RSRC1: variants seen among roughly 807,000 people sequenced by gnomAD.
RSRC1 encodes the protein arginine and serine rich coiled-coil 1, also known as serine/Arginine-related protein 53.
In RSRC1, 39 loss-of-function variants were observed where a neutral mutation model predicts 49.1. The ratio of observed to expected loss-of-function variants is 0.79; its 90% CI spans 0.61 to 1.04. The LOEUF is 1.04. RSRC1 is among the 50% of genes least tolerant of loss of function. RSRC1 has a pLI of 0.00. For synonymous variants in RSRC1, 143 were observed against 130.8 expected (o/e 1.09, Z -0.63); for missense variants, 388 against 402.4 (o/e 0.96, Z 0.31).
intron 8 of RSRC1, among the ~76,000 whole-genome samples, chr3:158,537,866 T>G (rs1305594750): frequency 6.6e-6 from 1 of 151,770 alleles, no homozygotes; most frequent in Admixed American, 6.6e-5. Flanking sequence ...CTGTATAATA[T>G]CCTGTTGATG....
At chr3:158,541,673 A>T (rs1319072298) in intron 8 of RSRC1, among the ~76,000 whole-genome samples, 1 of 152,242 alleles carries the variant, frequency 6.6e-6, no homozygotes, top group East Asian at 1.9e-4. Context: ...AAATAAATGG[A>T]AATTGAAAAA....
intron 4 of RSRC1, among the ~76,000 whole-genome samples, chr3:158,223,138 A>T (rs528200271): frequency 1.3e-5 from 2 of 151,540 alleles, no homozygotes; most frequent in African/African-American, 4.8e-5. Context: ...AGCACAGTCC[A>T]TTACTCATCT....
At chr3:158,403,842 A>C (rs530984825) in intron 6 of RSRC1, among the ~76,000 whole-genome samples, 1 of 151,848 alleles carries the variant, frequency 6.6e-6, no homozygotes, top group Non-Finnish European at 1.5e-5. Flanking sequence ...TATATAAACT[A>C]TAAGAAAGAA....
rs561325531 is a variant in RSRC1 at position 158,133,441 on chromosome 3, G to A, written c.320+9450G>A. ...AAACTGTCCTACAGCAAGACAGTAC[G>A]ATGCAAATATGACTAAATAAGATCA... On this transcript the variant is annotated intron_variant, in intron 3 of 9. Transcript: ENST00000611884. Among the ~76,000 whole-genome samples, 6 of 152,256 alleles carry A rather than the reference G, an allele frequency of 3.9e-5. No homozygotes were observed. The South Asian group carries it at 1.0e-3, about 26-fold the overall frequency.
At chr3:158,324,146 A>G (rs908456269) in intron 5 of RSRC1, among the ~76,000 whole-genome samples, 9 of 152,144 alleles carry the variant, frequency 5.9e-5, no homozygotes, top group East Asian at 1.9e-4. Flanking sequence ...TTATTTCTCT[A>G]TTGTTAGGAA....
intron 4 of RSRC1, among the ~76,000 whole-genome samples, chr3:158,270,749 A>C (rs1725473596): frequency 1.3e-5 from 2 of 152,204 alleles, no homozygotes; most frequent in South Asian, 4.1e-4. Flanking sequence ...ACTTTAAAAT[A>C]TACAGATTCA....
intron 6 of RSRC1, among the ~76,000 whole-genome samples, chr3:158,393,516 T>C (rs1393947260): frequency 4.6e-5 from 7 of 151,136 alleles, no homozygotes; most frequent in Non-Finnish European, 1.0e-4. Flanking sequence ...CAAAAATCCC[T>C]CCGAGACTAC....
intron 3 of RSRC1, among the ~76,000 whole-genome samples, chr3:158,200,481 A>G (rs569752484): frequency 2.0e-5 from 3 of 152,318 alleles, no homozygotes; most frequent in African/African-American, 7.2e-5. Flanking sequence ...TTGTTTATTA[A>G]TATCTAATGT....
At chr3:158,237,812 G>C (rs1723324843) in intron 4 of RSRC1, among the ~76,000 whole-genome samples, 1 of 152,214 alleles carries the variant, frequency 6.6e-6, no homozygotes, top group Admixed American at 6.5e-5. Flanking sequence ...TCTCTTGCCT[G>C]ATTGCCCTGG....
intron 6 of RSRC1, among the ~76,000 whole-genome samples, chr3:158,361,419 C>T (rs528001394): frequency 6.6e-6 from 1 of 152,156 alleles, no homozygotes; most frequent in African/African-American, 2.4e-5. Context: ...GGGTCTCAAC[C>T]AGCCATAGGA....
At chr3:158,198,055 T>C (rs1358954653) in intron 3 of RSRC1, among the ~76,000 whole-genome samples, 1 of 152,160 alleles carries the variant, frequency 6.6e-6, no homozygotes, top group African/African-American at 2.4e-5. Flanking sequence ...TTGTTAACTT[T>C]CTGTCTCGTT....
intron 4 of RSRC1, among the ~76,000 whole-genome samples, 177 bp from the exon 5 acceptor site, chr3:158,297,862 G>A (rs1727324776): frequency 6.6e-6 from 1 of 151,964 alleles, no homozygotes; most frequent in Non-Finnish European, 1.5e-5. Flanking sequence ...TGGTAAATCT[G>A]ATATAAATTA....
chr3:158,445,837 T>C (rs1312417659), intron 6 of RSRC1, among the ~76,000 whole-genome samples: 1 of 152,104 alleles, frequency 6.6e-6, no homozygotes, highest in East Asian at 1.9e-4. Context: ...AAATAAAGTT[T>C]AAAGCATTCT....
At position 158,142,424 on chromosome 3, in the gene RSRC1, G is replaced by T. The variant is rs117960754; in HGVS notation, c.320+18433G>T. 1.4e-3 allele frequency among the ~76,000 whole-genome samples: 212 copies of T among 152,168 alleles called. 3 individuals carry two copies. The East Asian group carries it at 0.036, about 26-fold the overall frequency. On this transcript the variant is annotated intron_variant, in intron 3 of 9. Transcript: ENST00000611884. Reference sequence around the variant, plus strand: ...GTACTTTTGGAGTAGTTTATTTTTCGTACCAACGGTTAGTCCATTCTTGCA... The same window carrying T: ...GTACTTTTGGAGTAGTTTATTTTTCTTACCAACGGTTAGTCCATTCTTGCA...
intron 7 of RSRC1, among the ~76,000 whole-genome samples, chr3:158,466,024 C>G (rs1179389851): frequency 2.0e-5 from 3 of 152,148 alleles, no homozygotes; most frequent in African/African-American, 4.8e-5. Flanking sequence ...TTGTAATACT[C>G]TTGATTATAT....
intron 6 of RSRC1, among the ~76,000 whole-genome samples, chr3:158,402,639 G>A (rs1055760693): frequency 6.6e-6 from 1 of 151,688 alleles, no homozygotes. Context: ...ATTATCTGTT[G>A]CTTAGTGTAG....
At chr3:158,288,198 A>T (rs1425500547) in intron 4 of RSRC1, among the ~76,000 whole-genome samples, 1 of 152,160 alleles carries the variant, frequency 6.6e-6, no homozygotes, top group Non-Finnish European at 1.5e-5. Flanking sequence ...TGGACCTTTG[A>T]GCTCACTCTT....
chr3:158,311,389 A>G (rs183005265), intron 5 of RSRC1, among the ~76,000 whole-genome samples: 3 of 152,088 alleles, frequency 2.0e-5, no homozygotes, highest in Non-Finnish European at 4.4e-5. Context: ...AATATTTATT[A>G]TGAATAGATG....
At chr3:158,454,769 G>T (rs1737226085) in intron 6 of RSRC1, among the ~76,000 whole-genome samples, 4 of 152,072 alleles carry the variant, frequency 2.6e-5, no homozygotes, top group African/African-American at 7.3e-5. Flanking sequence ...GGTAATTCTA[G>T]GTTGGTTGTT....
Sources: gnomAD v4.1 joint callset for allele counts (sites outside exome capture counted in the v4.1 genomes callset) on GRCh38, gnomAD v4.1.1 for gene constraint, MANE v1.5 for transcripts, NCBI Gene and HGNC (gene_info 2026-07-23, HGNC 2026-07-21) for gene names.